The following ADAMTS17 variants were observed in gnomAD, a reference collection of about 807,000 sequenced individuals.
ADAMTS17 encodes the protein A disintegrin and metalloproteinase with thrombospondin motifs 17.
In ADAMTS17, 113 loss-of-function variants were observed where a neutral mutation model predicts 141.5. The observed-to-expected ratio is 0.80, with a 90% CI of 0.69 to 0.93. ADAMTS17 has a LOEUF of 0.93. ADAMTS17 is among the 40% of genes least tolerant of loss of function. The probability of loss-of-function intolerance (pLI) is 0.00; values close to 1 mark genes in which losing one functional copy is unlikely to be tolerated. For missense variants in ADAMTS17, 1,659 were observed against 1,517.9 expected (o/e 1.09, Z -1.54); for synonymous variants, 768 against 630.6 (o/e 1.22, Z -3.27).
chr15:100,178,278 T>G (rs940747029), intron 8 of ADAMTS17, among the ~76,000 whole-genome samples: 2 of 152,178 alleles, frequency 1.3e-5, no homozygotes, highest in Non-Finnish European at 2.9e-5. Flanking sequence ...AATTAGAGTT[T>G]GATTTTGATT....
Position 99,974,494 on chromosome 15 carries a change from G to T in ADAMTS17, c.3196C>A (p.Leu1066Ile), listed in dbSNP as rs753320297. The T allele has an allele frequency of 1.2e-6, 2 of 1,614,142 alleles. No homozygotes were observed. The highest frequency in any genetic ancestry group is 1.7e-5 in the Admixed American group (1 of 60,012). The change falls in exon 22 of 22, where the codon CTC (leucine) becomes ATC (isoleucine). Residue 1066 changes from leucine to isoleucine, a missense_variant. Coordinates refer to ENST00000268070, the MANE Select transcript of ADAMTS17 (RefSeq NM_139057.4). ...VYCRVIREKN[L>I]CQDMRWYQRC... ...TGGTACCACCGCATGTCCTGGCAGA[G>T]GTTCTTTTCTCGGATGACCCGGCAA...
intron 12 of ADAMTS17, 131 bp downstream of exon 12, chr15:100,131,876 G>T: frequency 2.1e-6 from 3 of 1,406,150 alleles, no homozygotes; most frequent in South Asian, 1.3e-5. Flanking sequence ...CCTGGACCTT[G>T]GCTGGGTTTC....
intron 15 of ADAMTS17, among the ~76,000 whole-genome samples, chr15:100,059,289 C>A (rs1486163661): frequency 6.6e-6 from 1 of 152,250 alleles, no homozygotes; most frequent in South Asian, 2.1e-4. Context: ...TGGCCATCGC[C>A]GCAGTGGCTG....
At chr15:100,243,592 C>T (rs2042892227) in intron 7 of ADAMTS17, among the ~76,000 whole-genome samples, 1 of 152,078 alleles carries the variant, frequency 6.6e-6, no homozygotes. Context: ...GAGTTCCAGA[C>T]CAGTGTGGCC....
chr15:100,314,969 G>C (rs1001116632), intron 3 of ADAMTS17, among the ~76,000 whole-genome samples: 2 of 152,218 alleles, frequency 1.3e-5, no homozygotes, highest in African/African-American at 4.8e-5. Flanking sequence ...ACCGGGAACT[G>C]AAGGAGGCAC....
chr15:99,978,014 G>C (rs1389241335), intron 20 of ADAMTS17, among the ~76,000 whole-genome samples: 2 of 152,226 alleles, frequency 1.3e-5, no homozygotes, highest in Non-Finnish European at 2.9e-5. Context: ...GAGGGGAGCA[G>C]GGCGTGGAGG....
At chr15:100,279,137 C>G (rs1298600336) in intron 4 of ADAMTS17, among the ~76,000 whole-genome samples, 1 of 152,172 alleles carries the variant, frequency 6.6e-6, no homozygotes, top group Non-Finnish European at 1.5e-5. Flanking sequence ...GCCTCTAAAA[C>G]ACCGGAGGTC....
intron 10 of ADAMTS17, among the ~76,000 whole-genome samples, chr15:100,139,134 G>T (rs1203936898): frequency 6.6e-6 from 1 of 152,054 alleles, no homozygotes; most frequent in African/African-American, 2.4e-5. Context: ...TCTTTGGGGG[G>T]AAACTAGATG....
chr15:100,292,218 G>A (rs935001834), intron 3 of ADAMTS17, among the ~76,000 whole-genome samples: 2 of 150,724 alleles, frequency 1.3e-5, no homozygotes, highest in Non-Finnish European at 3.0e-5. Context: ...CGCTCACCCC[G>A]TGGGGAATCA....
chr15:100,228,220 T>C (rs1317006527), intron 7 of ADAMTS17, among the ~76,000 whole-genome samples: 1 of 152,228 alleles, frequency 6.6e-6, no homozygotes, highest in East Asian at 1.9e-4. Flanking sequence ...ATCCTAGCCT[T>C]GATGTTACCA....
chr15:100,032,916 G>A (rs898720832), intron 18 of ADAMTS17, among the ~76,000 whole-genome samples: 2 of 152,160 alleles, frequency 1.3e-5, no homozygotes, highest in African/African-American at 4.8e-5. Context: ...CTGCTGATGA[G>A]CAACAGTGAA....
At chr15:100,104,229 C>G (rs775277120) in intron 14 of ADAMTS17, among the ~76,000 whole-genome samples, 1 of 152,196 alleles carries the variant, frequency 6.6e-6, no homozygotes, top group African/African-American at 2.4e-5. Flanking sequence ...AACCCGGTGT[C>G]TCTCCTTCTG....
intron 10 of ADAMTS17, among the ~76,000 whole-genome samples, chr15:100,134,609 T>C (rs928190277): frequency 3.3e-5 from 5 of 152,214 alleles, no homozygotes; most frequent in Non-Finnish European, 5.9e-5. Context: ...CTCTTCCAAG[T>C]AATCTCAAAC....
intron 8 of ADAMTS17, among the ~76,000 whole-genome samples, chr15:100,183,341 T>C (rs1433767317): frequency 6.6e-6 from 1 of 152,046 alleles, no homozygotes; most frequent in Admixed American, 6.6e-5. Context: ...GCCCAGCTCA[T>C]TTTTTTTCCA....
At position 100,199,411 on chromosome 15, in the gene ADAMTS17, A is replaced by G. The variant is rs755307903; in HGVS notation, c.1088T>C (p.Leu363Ser). The G allele has an allele frequency of 1.9e-6, 3 of 1,613,926 alleles. No homozygotes were observed. The South Asian group carries it at 3.3e-5, about 18-fold the overall frequency. Reference protein sequence around the residue: ...EPCDTVGIAYLGGVCSAKRKC... With the variant: ...EPCDTVGIAYSGGVCSAKRKC... ...CCTCTTAGCACTGCACACACCTCCT[A>G]AGTAAGCAATTCCTGCAGCAGAGAC... The change falls in exon 8 of 22, where the codon TTA becomes TCA. Residue 363 changes from leucine (L) to serine (S), a missense_variant. By Grantham distance (145) the Leu-to-Ser change is moderately radical (BLOSUM62 -2). Coordinates refer to ENST00000268070, the MANE Select transcript of ADAMTS17 (RefSeq NM_139057.4).
intron 2 of ADAMTS17, among the ~76,000 whole-genome samples, chr15:100,333,367 C>T (rs1017807869): frequency 6.6e-6 from 1 of 152,154 alleles, no homozygotes; most frequent in East Asian, 1.9e-4. Flanking sequence ...TTCTCATCCC[C>T]GGCTACCTAT....
intron 3 of ADAMTS17, among the ~76,000 whole-genome samples, chr15:100,320,774 A>G (rs2045709426): frequency 6.6e-6 from 1 of 152,200 alleles, no homozygotes; most frequent in African/African-American, 2.4e-5. Flanking sequence ...CAGAGGTTGC[A>G]GTGAACCAAG....
chr15:99,974,798 C>T (rs1454657823), intron 21 of ADAMTS17, among the ~76,000 whole-genome samples: 1 of 152,266 alleles, frequency 6.6e-6, no homozygotes, highest in African/African-American at 2.4e-5. Context: ...GGTGGTCTGG[C>T]TGCCTCTTCA....
intron 7 of ADAMTS17, among the ~76,000 whole-genome samples, chr15:100,226,849 A>G (rs1346370254): frequency 6.6e-6 from 1 of 152,240 alleles, no homozygotes; most frequent in African/African-American, 2.4e-5. Flanking sequence ...GTTGGTAACA[A>G]CAGCTATTAG....
Sources: gnomAD v4.1 joint callset for allele counts (sites outside exome capture counted in the v4.1 genomes callset) on GRCh38, gnomAD v4.1.1 for gene constraint, MANE v1.5 for transcripts, NCBI Gene and HGNC (gene_info 2026-07-23, HGNC 2026-07-21) for gene names.